The following GUCY1A2 variants were observed in gnomAD, a reference collection of about 807,000 sequenced individuals.
GUCY1A2 encodes the protein guanylate cyclase 1 soluble subunit alpha 2.
A neutral mutation model predicts 63.5 loss-of-function variants in GUCY1A2; 27 were observed. The observed-to-expected ratio is 0.43, with a 90% CI of 0.31 to 0.59. The LOEUF is 0.59. Ranked by LOEUF, GUCY1A2 falls within the 20% of genes least tolerant of loss-of-function variation. The pLI is 0.11. For missense variants in GUCY1A2, 768 were observed against 913.3 expected, an observed-to-expected ratio of 0.84 and a Z score of 2.05; for synonymous variants, 364 against 343.5, an observed-to-expected ratio of 1.06 and a Z score of -0.66.
chr11:106,945,779 A>C (rs557410748), intron 3 of GUCY1A2, among the ~76,000 whole-genome samples: 2 of 152,344 alleles, frequency 1.3e-5, no homozygotes, highest in Admixed American at 1.3e-4. Flanking sequence ...AGCCTGACCA[A>C]CATGGAGAAA....
In GUCY1A2 at chr11:107,018,073, A is replaced by G. The variant is rs764119786; in HGVS notation, c.-18T>C. The G allele has an allele frequency of 7.0e-7, 1 of 1,427,918 alleles. No individual in the cohort carries two copies. The highest frequency in any genetic ancestry group is 2.2e-5 in the Admixed American group (1 of 44,784). 88.5% of individuals were successfully genotyped at this position (1,427,918 alleles called of 1,614,324 possible). A position where few individuals can be genotyped will look rare whatever the true frequency, so the allele number is the denominator to read the frequency against. ...CGAGACATGCTGCCGGCGGAGCTGC[A>G]GCGGCCGAGGCGGTGGCGGCGAGGA... On this transcript the variant is annotated 5_prime_UTR_variant, in exon 1 of 8. Coordinates refer to ENST00000526355, the MANE Select transcript of GUCY1A2 (RefSeq NM_000855.3).
chr11:106,911,542 G>A (rs1195512761), intron 4 of GUCY1A2, among the ~76,000 whole-genome samples: 1 of 151,970 alleles, frequency 6.6e-6, no homozygotes, highest in African/African-American at 2.4e-5. Flanking sequence ...CCTTAAATTC[G>A]ACAATTATCC....
intron 4 of GUCY1A2, among the ~76,000 whole-genome samples, chr11:106,881,673 G>A (rs573385216): frequency 6.6e-6 from 1 of 152,036 alleles, no homozygotes; most frequent in South Asian, 2.1e-4. Context: ...CTCCCCAGAG[G>A]TAATCCACAG....
At chr11:106,693,432 G>C (rs1267409771) in intron 7 of GUCY1A2, among the ~76,000 whole-genome samples, 1 of 151,908 alleles carries the variant, frequency 6.6e-6, no homozygotes, top group Non-Finnish European at 1.5e-5. Context: ...CTCTGGTATT[G>C]TGAAAATTAA....
chr11:106,763,286 T>A (rs898843019), intron 6 of GUCY1A2, among the ~76,000 whole-genome samples: 69 of 152,124 alleles, frequency 4.5e-4, no homozygotes, highest in African/African-American at 1.6e-3. Context: ...GGAAAATTGA[T>A]GTCACTTTTA....
At chr11:107,016,638 A>G (rs1035982107) in intron 1 of GUCY1A2, among the ~76,000 whole-genome samples, 1 of 152,262 alleles carries the variant, frequency 6.6e-6, no homozygotes, top group African/African-American at 2.4e-5. Flanking sequence ...TAAAGAAGCC[A>G]CCAAAAAATG....
Position 107,018,035 on chromosome 11 carries a change from C to A in GUCY1A2, c.21G>T (p.Ser7=), listed in dbSNP as rs1446487026. 1.4e-6 allele frequency: 2 copies of A among 1,471,226 alleles called. No individual in the cohort carries two copies. The highest frequency in any genetic ancestry group is 1.3e-5 in the South Asian group (1 of 77,652). 91.1% of individuals were successfully genotyped at this position (1,471,226 alleles called of 1,614,324 possible). Residue 7 remains serine, a synonymous_variant, in exon 1 of 8, where the codon TCG becomes TCT. Coordinates refer to ENST00000526355, the MANE Select transcript of GUCY1A2 (RefSeq NM_000855.3). ...AGCCCAGGGAGCTGAAGGACTCGGA[C>A]GAAATCTTCCTTCGAGACATGCTGC... MSRRKI[S]SESFSSLGSD... is the part of the protein sequence containing the mutation.
intron 4 of GUCY1A2, among the ~76,000 whole-genome samples, chr11:106,868,896 T>A (rs1484464010): frequency 6.6e-6 from 1 of 152,174 alleles, no homozygotes; most frequent in Non-Finnish European, 1.5e-5. Flanking sequence ...ATGGTACTGG[T>A]ACCAAAACAG....
chr11:106,875,534 C>T (rs1859737503), intron 4 of GUCY1A2, among the ~76,000 whole-genome samples: 1 of 152,050 alleles, frequency 6.6e-6, no homozygotes, highest in Non-Finnish European at 1.5e-5. Context: ...CTTTGCTTTC[C>T]TCTGCACTGA....
intron 4 of GUCY1A2, among the ~76,000 whole-genome samples, chr11:106,918,992 A>T (rs1376755106): frequency 6.6e-6 from 1 of 152,164 alleles, no homozygotes; most frequent in Non-Finnish European, 1.5e-5. Context: ...TTCATCTTTA[A>T]TACCAGACTA....
intron 5 of GUCY1A2, among the ~76,000 whole-genome samples, chr11:106,795,932 T>C (rs1473320773): frequency 6.6e-6 from 1 of 152,170 alleles, no homozygotes; most frequent in Non-Finnish European, 1.5e-5. Flanking sequence ...ACTATTATTG[T>C]GTGGGAGTCT....
At chr11:106,852,296 C>A (rs912882553) in intron 4 of GUCY1A2, among the ~76,000 whole-genome samples, 1 of 151,874 alleles carries the variant, frequency 6.6e-6, no homozygotes, top group African/African-American at 2.4e-5. Context: ...AATTTTCATA[C>A]CTTATATTTC....
intron 3 of GUCY1A2, among the ~76,000 whole-genome samples, chr11:106,969,280 C>T (rs1861164975): frequency 1.3e-5 from 2 of 152,138 alleles, no homozygotes; most frequent in African/African-American, 4.8e-5. Context: ...AGAACAACAA[C>T]TCATCTAGCA....
chr11:106,775,299 A>G (rs1040374902), intron 6 of GUCY1A2, among the ~76,000 whole-genome samples: 1 of 152,156 alleles, frequency 6.6e-6, no homozygotes, highest in Non-Finnish European at 1.5e-5. Context: ...TTTATCAAGA[A>G]CAACTAAAAG....
chr11:106,739,454 T>C (rs1164063135), intron 6 of GUCY1A2, among the ~76,000 whole-genome samples: 1 of 152,238 alleles, frequency 6.6e-6, no homozygotes, highest in East Asian at 1.9e-4. Context: ...ATTTAACACT[T>C]ACAGAGTGCC....
chr11:106,691,596 C>G (rs1862626627), intron 7 of GUCY1A2, among the ~76,000 whole-genome samples: 1 of 152,150 alleles, frequency 6.6e-6, no homozygotes, highest in African/African-American at 2.4e-5. Flanking sequence ...GAAGATGGTA[C>G]CAGCTGCTTC....
At chr11:106,714,024 TAA>T (rs778566490) in intron 6 of GUCY1A2, among the ~76,000 whole-genome samples, 37 of 143,114 alleles carry the variant, frequency 2.6e-4, no homozygotes, top group African/African-American at 8.3e-4. Flanking sequence ...TTCTTTCTGT[TAA>T]AAAAAAAAAA....
chr11:106,950,491 G>A (rs1320538341), intron 3 of GUCY1A2, among the ~76,000 whole-genome samples: 1 of 152,124 alleles, frequency 6.6e-6, no homozygotes, highest in Admixed American at 6.5e-5. Context: ...CTGAAAATAG[G>A]GCAGTGGCTC....
intron 6 of GUCY1A2, among the ~76,000 whole-genome samples, chr11:106,733,535 G>A (rs1863538328): frequency 6.6e-6 from 1 of 152,108 alleles, no homozygotes; most frequent in Non-Finnish European, 1.5e-5. Flanking sequence ...CATATATAAA[G>A]TAATTACTTT....
Sources: allele counts gnomAD v4.1 joint callset (sites outside exome capture counted in the v4.1 genomes callset), GRCh38; gene constraint gnomAD v4.1.1; transcripts MANE v1.5; gene names NCBI Gene and HGNC (gene_info 2026-07-23, HGNC 2026-07-21).